TYW1: variants seen among roughly 807,000 people sequenced by gnomAD.
The protein encoded by TYW1 is tRNA-yW synthesizing protein 1 homolog.
TYW1 carries 46 observed loss-of-function variants against 96.2 expected under a neutral mutation model. That is an observed-to-expected ratio of 0.48 (90% CI 0.38 to 0.61). TYW1 has a LOEUF of 0.61. Ranked by LOEUF, TYW1 falls within the 20% of genes least tolerant of loss-of-function variation. The pLI is 0.00. For synonymous variants in TYW1, 274 were observed against 323.0 expected, an observed-to-expected ratio of 0.85 and a Z score of 1.63; for missense variants, 684 against 909.6, an observed-to-expected ratio of 0.75 and a Z score of 3.19.
At chr7:67,058,520 T>G (rs1311032020) in intron 9 of TYW1, among the ~76,000 whole-genome samples, 1 of 152,134 alleles carries the variant, frequency 6.6e-6, no homozygotes, top group Non-Finnish European at 1.5e-5. Context: ...TCTTGCCCTG[T>G]CATCCAGTCT....
At chr7:67,126,760 T>C (rs1043635119) in intron 13 of TYW1, among the ~76,000 whole-genome samples, 8 of 151,964 alleles carry the variant, frequency 5.3e-5, no homozygotes, top group African/African-American at 1.9e-4. Flanking sequence ...TTTTTCTCTT[T>C]TGCTAAAGAT....
chr7:67,184,071 G>A (rs1445741677), intron 14 of TYW1, among the ~76,000 whole-genome samples: 9 of 152,120 alleles, frequency 5.9e-5, no homozygotes, highest in African/African-American at 2.2e-4. Flanking sequence ...TTCCTACCTC[G>A]GCCTCTCAAA....
chr7:67,239,090 G>C lies in TYW1; in HGVS notation c.*561G>C, dbSNP rs566311795. ...TTAAATACTGCATAGATTGAGTTTT[G>C]GTTTATTACCAACCCTTCCCAGAAT... On this transcript the variant is annotated 3_prime_UTR_variant, in exon 16 of 16. Transcript: ENST00000359626. The C allele has an allele frequency of 1.0e-6, 1 of 986,076 alleles. No homozygotes were observed. Among genetic ancestry groups the C allele is most frequent in the South Asian group, 4.7e-5 (1 of 21,356 alleles). 61.1% of individuals were successfully genotyped at this position (986,076 alleles called of 1,614,324 possible).
intron 15 of TYW1, among the ~76,000 whole-genome samples, chr7:67,235,218 T>G (rs1801846388): frequency 6.6e-6 from 1 of 152,178 alleles, no homozygotes; most frequent in Admixed American, 6.5e-5. Flanking sequence ...CAAGCTTGTG[T>G]GATTTATCAC....
At chr7:67,212,595 A>T (rs1397675146) in intron 15 of TYW1, among the ~76,000 whole-genome samples, 1 of 152,198 alleles carries the variant, frequency 6.6e-6, no homozygotes, top group Non-Finnish European at 1.5e-5. Flanking sequence ...GCCATTTTGC[A>T]TTCCCACCAT....
intron 6 of TYW1, among the ~76,000 whole-genome samples, chr7:67,024,095 C>T (rs1032019346): frequency 1.6e-4 from 24 of 152,176 alleles, no homozygotes; most frequent in African/African-American, 5.5e-4. Flanking sequence ...GTCACTGTGA[C>T]GTGAGAGGGC....
intron 7 of TYW1, among the ~76,000 whole-genome samples, chr7:67,042,535 A>G (rs1184998276): frequency 6.6e-6 from 1 of 152,076 alleles, no homozygotes; most frequent in Non-Finnish European, 1.5e-5. Context: ...GGATATTTGG[A>G]GCTGTGACAT....
At chr7:67,036,973 AGTGGG>A (rs1794860002) in intron 7 of TYW1, among the ~76,000 whole-genome samples, 1 of 152,214 alleles carries the variant, frequency 6.6e-6, no homozygotes, top group African/African-American at 2.4e-5. Flanking sequence ...TGCCAGACCC[AGTGGG>A]GCAGACCAGC....
At chr7:67,210,828 A>G (rs963028576) in intron 15 of TYW1, among the ~76,000 whole-genome samples, 2 of 141,500 alleles carry the variant, frequency 1.4e-5, no homozygotes, top group Non-Finnish European at 3.1e-5. Context: ...ATCTCTGTCT[A>G]TTCATCCATC....
intron 13 of TYW1, among the ~76,000 whole-genome samples, chr7:67,171,322 A>G (rs1415585035): frequency 6.6e-6 from 1 of 152,038 alleles, no homozygotes; most frequent in Admixed American, 6.5e-5. Flanking sequence ...TGATTTTTTC[A>G]TAGAACATAC....
At chr7:67,090,963 A>G (rs202043022) in intron 11 of TYW1, among the ~76,000 whole-genome samples, 2 of 152,144 alleles carry the variant, frequency 1.3e-5, no homozygotes, top group African/African-American at 4.8e-5. Flanking sequence ...TACACTGTTG[A>G]TGGGACTGTA....
At chr7:67,117,028 ATTGT>A (rs1797617136) in intron 12 of TYW1, among the ~76,000 whole-genome samples, 1 of 151,904 alleles carries the variant, frequency 6.6e-6, no homozygotes, top group African/African-American at 2.4e-5. Context: ...AGCTTTTGGG[ATTGT>A]TTCTTGTTCC....
chr7:67,076,009 T>A (rs1337602307), intron 10 of TYW1, among the ~76,000 whole-genome samples: 1 of 152,252 alleles, frequency 6.6e-6, no homozygotes, highest in Non-Finnish European at 1.5e-5. Flanking sequence ...ATATTTTCCC[T>A]GGCATACTTA....
chr7:67,168,981 G>C (rs912857936), intron 13 of TYW1, among the ~76,000 whole-genome samples: 1 of 143,578 alleles, frequency 7.0e-6, no homozygotes, highest in African/African-American at 2.7e-5. Flanking sequence ...CAAACTGCTG[G>C]GATTATAGGT....
intron 13 of TYW1, among the ~76,000 whole-genome samples, chr7:67,125,264 C>T (rs1384605780): frequency 6.6e-6 from 1 of 152,134 alleles, no homozygotes; most frequent in Non-Finnish European, 1.5e-5. Flanking sequence ...TCTTTGCCCA[C>T]CCCAAGGTCA....
chr7:67,225,935 T>C (rs1232516943), intron 15 of TYW1, among the ~76,000 whole-genome samples: 1 of 151,200 alleles, frequency 6.6e-6, no homozygotes, highest in African/African-American at 2.4e-5. Context: ...CATTCCACTA[T>C]TGCAGGCAAT....
intron 10 of TYW1, among the ~76,000 whole-genome samples, chr7:67,069,907 A>G (rs1376932936): frequency 1.3e-5 from 2 of 152,090 alleles, no homozygotes; most frequent in African/African-American, 4.8e-5. Flanking sequence ...TTTAGTATTT[A>G]TCGTAGGGCA....
chr7:67,155,559 C>CT lies in TYW1; in HGVS notation c.1699-27554dup, dbSNP rs143551965. 3.8e-3 allele frequency among the ~76,000 whole-genome samples: 552 copies of CT among 145,892 alleles called. 2 individuals carry two copies. The highest frequency in any genetic ancestry group is 0.018 in the Middle Eastern group (5 of 278). On this transcript the variant is annotated intron_variant, in intron 13 of 15. Transcript: ENST00000359626. The stretch of plus-strand genomic sequence containing the variant: ...CATAAATTACCCAGCTTTAGGTATT[C>CT]TTTTTTTTTTTTTGAGACAGAGTTG...
chr7:66,999,738 G>T (rs1413619148), intron 3 of TYW1, among the ~76,000 whole-genome samples: 2 of 152,178 alleles, frequency 1.3e-5, no homozygotes, highest in Non-Finnish European at 2.9e-5. Context: ...AGTAAATACA[G>T]CTGATATCTA....
Sources: gnomAD v4.1 joint callset for allele counts (sites outside exome capture counted in the v4.1 genomes callset) on GRCh38, gnomAD v4.1.1 for gene constraint, MANE v1.5 for transcripts, NCBI Gene and HGNC (gene_info 2026-07-23, HGNC 2026-07-21) for gene names.